Variants in SHROOM3 observed in about 807,000 individuals in gnomAD.
The protein encoded by SHROOM3 is shroom family member 3.
Under a neutral mutation model 138.6 loss-of-function variants are expected in SHROOM3, and 47 were observed. That is an observed-to-expected ratio of 0.34 (90% CI 0.27 to 0.43). The LOEUF is 0.43. Among genes scored for constraint, SHROOM3 ranks in the 20% least tolerant of loss-of-function variants. The pLI is 1.00. For synonymous variants in SHROOM3, 1,062 were observed against 1,063.3 expected (o/e 1.00, Z 0.02); for missense variants, 2,491 against 2,596.5 (o/e 0.96, Z 0.88).
intron 2 of SHROOM3, among the ~76,000 whole-genome samples, chr4:76,603,465 C>T (rs373126670): frequency 1.6e-4 from 25 of 152,148 alleles, no homozygotes; most frequent in Non-Finnish European, 2.6e-4. Flanking sequence ...AAAAAAAAAC[C>T]GTACTTTGCA....
intron 1 of SHROOM3, chr4:76,532,207 T>G (rs1277358272): frequency 4.6e-5 from 7 of 152,314 alleles, no homozygotes; most frequent in African/African-American, 1.7e-4. Context: ...GGTTTCCAGC[T>G]TCATCCATGT....
At chr4:76,517,620 GGTA>G (rs1560531049) in intron 1 of SHROOM3, among the ~76,000 whole-genome samples, 6 of 89,480 alleles carry the variant, frequency 6.7e-5, no homozygotes, top group African/African-American at 2.1e-4. Flanking sequence ...TTGTTTGTTT[GGTA>G]TATATATATA....
intron 3 of SHROOM3, among the ~76,000 whole-genome samples, chr4:76,728,347 A>G (rs960543106): frequency 6.6e-6 from 1 of 152,202 alleles, no homozygotes; most frequent in Non-Finnish European, 1.5e-5. Flanking sequence ...ATGATAGTGA[A>G]TAAGTCTCAT....
At chr4:76,748,814 CTTT>C (rs34047499) in intron 5 of SHROOM3, among the ~76,000 whole-genome samples, 200 bp from the exon 6 acceptor site, 2 of 100,574 alleles carry the variant, frequency 2.0e-5, no homozygotes, top group Non-Finnish European at 3.7e-5. Flanking sequence ...TCTGACTCTG[CTTT>C]TTTTTTTTTT....
intron 1 of SHROOM3, among the ~76,000 whole-genome samples, chr4:76,535,222 A>T (rs1732926585): frequency 6.6e-6 from 1 of 152,220 alleles, no homozygotes; most frequent in South Asian, 2.1e-4. Context: ...CCTAGCACAC[A>T]GTAGGTACTG....
chr4:76,524,886 C>T (rs1340597523), intron 1 of SHROOM3, among the ~76,000 whole-genome samples: 1 of 152,182 alleles, frequency 6.6e-6, no homozygotes, highest in Non-Finnish European at 1.5e-5. Flanking sequence ...CAAAGGTAGG[C>T]ATGCCAGGAC....
intron 1 of SHROOM3, among the ~76,000 whole-genome samples, chr4:76,548,487 C>T (rs1733274358): frequency 2.0e-5 from 3 of 152,194 alleles, no homozygotes; most frequent in Admixed American, 1.3e-4. Context: ...CTCAAAGCAC[C>T]ACGTCAAGCT....
intron 2 of SHROOM3, among the ~76,000 whole-genome samples, chr4:76,564,068 T>C (rs1268761874): frequency 6.6e-6 from 1 of 152,176 alleles, no homozygotes; most frequent in African/African-American, 2.4e-5. Context: ...CACCTCCACA[T>C]GTCTCCTGAA....
chr4:76,477,914 A>T (rs1164393233), intron 1 of SHROOM3, among the ~76,000 whole-genome samples: 1 of 152,102 alleles, frequency 6.6e-6, no homozygotes, highest in Admixed American at 6.5e-5. Flanking sequence ...GTCATGAGGG[A>T]CTGTGCTGTG....
intron 9 of SHROOM3, among the ~76,000 whole-genome samples, chr4:76,762,618 GCTGTAAGTGGC>G: frequency 6.6e-6 from 1 of 152,274 alleles, no homozygotes; most frequent in East Asian, 1.9e-4. Flanking sequence ...TTCTTCTAAG[GCTGTAAGTGGC>G]CTGAGGGTTT....
In SHROOM3 at chr4:76,756,637, C is replaced by T. The variant is rs1441241817; in HGVS notation, c.4898C>T (p.Ala1633Val). Reference protein sequence around the residue: ...QLAGSLGGQPAPIQTQSLSHD... With the variant: ...QLAGSLGGQPVPIQTQSLSHD... ...GCTGGGTCTCTTGGTGGGCAGCCAG[C>T]ACCCATCCAGACTCAAAGCCTCAGC... The change falls in exon 8 of 11, where the codon GCA (alanine) becomes GTA (valine). Residue 1633 changes from alanine (A) to valine (V), a missense_variant. By Grantham distance (64) the Ala-to-Val change is moderately conservative. Transcript: ENST00000296043. 4 of 1,613,712 alleles carry T rather than the reference C, an allele frequency of 2.5e-6. No homozygotes were observed. The highest frequency in any genetic ancestry group is 2.2e-5 in the East Asian group (1 of 44,860).
Position 76,448,820 on chromosome 4 carries a change from T to C in SHROOM3, c.168+12600T>C, listed in dbSNP as rs1011900261. On this transcript the variant is annotated intron_variant, in intron 1 of 10. Transcript: ENST00000296043. Reference sequence around the variant, plus strand: ...GGGATAGCCAGACCCTAAAGACTAATGTAGATCTATCTGTTTCCAAAATCT... The same window carrying C: ...GGGATAGCCAGACCCTAAAGACTAACGTAGATCTATCTGTTTCCAAAATCT... 2.0e-5 allele frequency among the ~76,000 whole-genome samples: 3 copies of C among 152,238 alleles called. No homozygotes were observed. The East Asian group carries it at 5.8e-4, about 29-fold the overall frequency.
At chr4:76,583,221 A>G (rs886954455) in intron 2 of SHROOM3, among the ~76,000 whole-genome samples, 2 of 152,142 alleles carry the variant, frequency 1.3e-5, no homozygotes, top group South Asian at 2.1e-4. Flanking sequence ...AGAACATCCT[A>G]TGCACCAGAG....
At chr4:76,698,129 C>T (rs928633522) in intron 2 of SHROOM3, among the ~76,000 whole-genome samples, 1 of 152,150 alleles carries the variant, frequency 6.6e-6, no homozygotes, top group Non-Finnish European at 1.5e-5. Context: ...AAAGCTGAGT[C>T]CCCCTTTGGG....
intron 10 of SHROOM3, among the ~76,000 whole-genome samples, chr4:76,775,207 G>A (rs1043529295): frequency 2.6e-5 from 4 of 152,104 alleles, no homozygotes; most frequent in South Asian, 2.1e-4. Context: ...AACATAAAAC[G>A]TTTGGTTTTC....
At chr4:76,701,358 TA>T (rs1470833886) in intron 2 of SHROOM3, among the ~76,000 whole-genome samples, 33 of 152,280 alleles carry the variant, frequency 2.2e-4, no homozygotes, top group African/African-American at 7.7e-4. Flanking sequence ...CCAAAGGCAG[TA>T]TGGAACAAGA....
chr4:76,503,618 AG>A (rs1316762751), intron 1 of SHROOM3, among the ~76,000 whole-genome samples: 3 of 152,230 alleles, frequency 2.0e-5, no homozygotes, highest in East Asian at 3.9e-4. Context: ...TAGTGGAGAC[AG>A]GGTTTCACCA....
chr4:76,536,530 T>C (rs1248786692), intron 1 of SHROOM3, among the ~76,000 whole-genome samples: 1 of 152,224 alleles, frequency 6.6e-6, no homozygotes, highest in Non-Finnish European at 1.5e-5. Flanking sequence ...GGTAGGACTT[T>C]TTAATCAGAC....
At position 76,739,176 on chromosome 4, in the gene SHROOM3, G is replaced by T; in HGVS notation, c.1003G>T (p.Ala335Ser). The stretch of plus-strand genomic sequence containing the variant: ...AGCCCTGCTGCTTCAAGGTAGGGAG[G>T]CCCGAGCCTCAGCAAATGGTCAGGG... ...SSALLLQGREARASANGQGYD... is the reference protein window; with the variant it reads ...SSALLLQGRESRASANGQGYD... Residue 335 changes from alanine (A) to serine (S), a missense_variant, in exon 5 of 11, where the codon GCC (alanine) becomes TCC (serine). Ala to Ser is a moderately conservative substitution (Grantham distance 99). Coordinates refer to ENST00000296043, the MANE Select transcript of SHROOM3 (RefSeq NM_020859.4). 6.2e-7 allele frequency: 1 copy of T among 1,614,098 alleles called. No individual in the cohort carries two copies. Among genetic ancestry groups the T allele is most frequent in the Non-Finnish European group, 8.5e-7 (1 of 1,180,018 alleles).
Sources: gnomAD v4.1 joint callset for allele counts (sites outside exome capture counted in the v4.1 genomes callset) on GRCh38, gnomAD v4.1.1 for gene constraint, MANE v1.5 for transcripts, NCBI Gene and HGNC (gene_info 2026-07-23, HGNC 2026-07-21) for gene names.